CTBP2: variants seen among roughly 807,000 people sequenced by gnomAD.
The protein encoded by CTBP2 is C-terminal-binding protein 2.
Under a neutral mutation model 80.3 loss-of-function variants are expected in CTBP2, and 30 were observed. The observed-to-expected ratio is 0.37, with a 90% confidence interval of 0.28 to 0.51. The LOEUF (loss-of-function observed/expected upper bound fraction) is 0.51, where lower values mean the gene tolerates loss of function less well. CTBP2 is among the 20% of genes least tolerant of loss of function. CTBP2 has a pLI of 0.93. For missense variants in CTBP2, 1,212 were observed against 1,375.3 expected (o/e 0.88, Z 1.88); for synonymous variants, 594 against 587.4 (o/e 1.01, Z -0.16).
chr10:125,060,659 G>A lies in CTBP2; in HGVS notation c.-101-21504C>T, dbSNP rs148881079. On this transcript the variant is annotated intron_variant, in intron 2 of 10. Transcript: ENST00000337195. ...GTGATTATGTGCAGGGCAGTCATGCGGAAGAGGGATTGGGTGTATTCTGCG... is the reference window on the plus strand; with the variant it reads ...GTGATTATGTGCAGGGCAGTCATGCAGAAGAGGGATTGGGTGTATTCTGCG... Among the ~76,000 whole-genome samples, 12 of 152,364 alleles carry A rather than the reference G, an allele frequency of 7.9e-5. No homozygotes were observed. In the East Asian group the frequency reaches 1.4e-3, roughly 17 times the overall value.
At chr10:125,034,863 T>A (rs1958686163) in intron 3 of CTBP2, among the ~76,000 whole-genome samples, 1 of 152,224 alleles carries the variant, frequency 6.6e-6, no homozygotes, top group African/African-American at 2.4e-5. Context: ...AGTCACTCTC[T>A]CATCCTGGAG....
rs1173983581 is a variant in CTBP2 at position 124,986,983 on chromosome 10, A to G, written c.*2535T>C. 2 of 126,964 alleles carry G rather than the reference A, an allele frequency of 1.6e-5. No homozygotes were observed. Among genetic ancestry groups the G allele is most frequent in the African/African-American group, 5.3e-5 (2 of 37,822 alleles). The allele number at this position is 126,964 out of a possible 1,614,324, so 7.9% of individuals were successfully genotyped here. A position where few individuals can be genotyped will look rare whatever the true frequency, so the allele number is the denominator to read the frequency against. ...GCGCTCTATTATTTATTTATTTATT[A>G]TCAATCAGTGACCCTGACCACATAG... On this transcript the variant is annotated 3_prime_UTR_variant, in exon 9 of 9. Coordinates refer to ENST00000309035, the MANE Select transcript of CTBP2 (RefSeq NM_022802.3).
intron 1 of CTBP2, among the ~76,000 whole-genome samples, chr10:125,134,223 T>C (rs940758307): frequency 2.0e-5 from 3 of 152,198 alleles, no homozygotes; most frequent in African/African-American, 7.2e-5. Flanking sequence ...AATTCTGTTA[T>C]CATTCCCAAC....
At chr10:125,140,811 A>G (rs1857679279) in intron 1 of CTBP2, among the ~76,000 whole-genome samples, 3 of 151,766 alleles carry the variant, frequency 2.0e-5, no homozygotes, top group Admixed American at 2.0e-4. Context: ...TGACAGTGTG[A>G]CCCTGTGTCA....
In CTBP2 at chr10:125,026,295, C is replaced by A. The variant is rs1477204998; in HGVS notation, c.1465G>T (p.Glu489Ter). The change falls in exon 1 of 9, where the codon GAG becomes TAG. Residue 489 changes from glutamate (E) to a stop codon, truncating the protein, a stop_gained. Coordinates refer to ENST00000309035, the MANE Select transcript of CTBP2 (RefSeq NM_022802.3). LOFTEE classifies it high-confidence loss of function. ...ACGTTGCGCTCCCTCTTTAGCAGCT[C>A]CATGGGCACCGTGTATGCCGTGGAG... is the stretch of plus-strand genomic sequence containing the variant. 1 of 1,613,932 alleles carries A rather than the reference C, an allele frequency of 6.2e-7. No homozygotes were observed. The highest frequency in any genetic ancestry group is 2.2e-5 in the East Asian group (1 of 44,856).
intron 2 of CTBP2, among the ~76,000 whole-genome samples, chr10:125,072,832 G>A (rs1845716443): frequency 6.6e-6 from 1 of 152,022 alleles, no homozygotes; most frequent in Non-Finnish European, 1.5e-5. Flanking sequence ...CTCAAATCAA[G>A]TAAAAGCTAG....
At chr10:125,032,546 G>A (rs545116117), upstream of CTBP2, among the ~76,000 whole-genome samples, 1 of 152,296 alleles carries the variant, frequency 6.6e-6, no homozygotes, top group East Asian at 1.9e-4. Context: ...CTCAAGATGA[G>A]AAAGGCACCC....
intron 1 of CTBP2, among the ~76,000 whole-genome samples, chr10:125,111,773 T>C (rs1254703): frequency 0.063 from 9,669 of 152,292 alleles, 557 homozygotes; most frequent in East Asian, 0.23. Context: ...TCCGAACTAC[T>C]TCCTATGCAC....
In CTBP2 at chr10:125,020,484, G is replaced by A. The variant is rs1290471362; in HGVS notation, c.1678+5598C>T. Among the ~76,000 whole-genome samples, 5 of 152,320 alleles carry A rather than the reference G, an allele frequency of 3.3e-5. No individual in the cohort carries two copies. The East Asian group carries it at 5.8e-4, about 18-fold the overall frequency. ...TGTAGACATGAGGAGGTCAGTCAAC[G>A]CGGGCCTTGTGGAGACAGACAGAAG... is the stretch of plus-strand genomic sequence containing the variant. On this transcript the variant is annotated intron_variant, in intron 1 of 8. Transcript: ENST00000309035.
At chr10:125,161,265 C>G (rs1156497754), upstream of CTBP2, 1 of 151,702 alleles carries the variant, frequency 6.6e-6, no homozygotes, top group Non-Finnish European at 1.5e-5. Flanking sequence ...AGCCCGGCCC[C>G]GCCCGGGAGG....
At chr10:125,038,703 T>C (rs1959139488) in intron 3 of CTBP2, among the ~76,000 whole-genome samples, 1 of 152,154 alleles carries the variant, frequency 6.6e-6, no homozygotes, top group Non-Finnish European at 1.5e-5. Context: ...ATCAACACCA[T>C]CTTTTATATG....
intron 8 of CTBP2, among the ~76,000 whole-genome samples, chr10:124,990,092 G>C (rs1359533564): frequency 6.7e-6 from 1 of 150,006 alleles, no homozygotes; most frequent in Non-Finnish European, 1.5e-5. Context: ...CCAGTCTGGA[G>C]TGCAGTGGCG....
At chr10:125,118,860 G>A (rs1165616044) in intron 1 of CTBP2, among the ~76,000 whole-genome samples, 2 of 152,206 alleles carry the variant, frequency 1.3e-5, no homozygotes, top group African/African-American at 2.4e-5. Flanking sequence ...GAAGGTATCC[G>A]TCTCTAGTCT....
chr10:125,136,421 C>T, intron 1 of CTBP2, among the ~76,000 whole-genome samples: 1 of 152,196 alleles, frequency 6.6e-6, no homozygotes, highest in East Asian at 1.9e-4. Context: ...AGGAGCAGGT[C>T]AGGCTTGTTC....
At chr10:125,138,692 C>T (rs905738143) in intron 1 of CTBP2, among the ~76,000 whole-genome samples, 3 of 150,236 alleles carry the variant, frequency 2.0e-5, no homozygotes, top group Non-Finnish European at 1.5e-5. Flanking sequence ...AACAGACCAG[C>T]AAACCACTAC....
rs143994954 is a variant in CTBP2 at position 125,027,279 on chromosome 10, C to T, written c.481G>A (p.Ala161Thr). ...CCAGGATCCCGGTACAGGTGACCGG[C>T]GTCCTGCAGGGCAGGTGACCGGCCT... Residue 161 changes from alanine (A) to threonine (T), a missense_variant, in exon 1 of 9, where the codon GCC becomes ACC. Ala to Thr is a moderately conservative substitution (Grantham distance 58, BLOSUM62 0). Around this residue, in one of 3 missense-constraint regions of CTBP2, gnomAD observed 848 missense variants for 782.3 expected, o/e 1.08. Coordinates refer to ENST00000309035, the MANE Select transcript of CTBP2 (RefSeq NM_022802.3). 55 of 1,613,678 alleles carry T rather than the reference C, an allele frequency of 3.4e-5. No homozygotes were observed. Among genetic ancestry groups the T allele is most frequent in the African/African-American group, 2.9e-4 (22 of 75,052 alleles).
At chr10:125,155,325 C>G (rs1194983283) in intron 1 of CTBP2, among the ~76,000 whole-genome samples, 2 of 152,196 alleles carry the variant, frequency 1.3e-5, no homozygotes, top group African/African-American at 2.4e-5. Context: ...GCCCTTGGCT[C>G]CCATGGTCAA....
chr10:125,141,843 C>T (rs964875687), intron 1 of CTBP2, among the ~76,000 whole-genome samples: 13 of 152,184 alleles, frequency 8.5e-5, no homozygotes, highest in Non-Finnish European at 1.8e-4. Context: ...GACATGCACA[C>T]GGTTAGCACA....
chr10:125,114,051 C>T (rs115983136), intron 1 of CTBP2, among the ~76,000 whole-genome samples: 4 of 152,308 alleles, frequency 2.6e-5, no homozygotes, highest in Non-Finnish European at 4.4e-5. Context: ...GCTGACAGTG[C>T]GGCGTGGACT....
Sources: allele counts gnomAD v4.1 joint callset (sites outside exome capture counted in the v4.1 genomes callset), GRCh38; gene constraint gnomAD v4.1.1; regional missense constraint gnomAD v4.1.1; transcripts MANE v1.5; gene names NCBI Gene and HGNC (gene_info 2026-07-23, HGNC 2026-07-21).